TENT5B: variants seen among roughly 807,000 people sequenced by gnomAD.
TENT5B encodes terminal nucleotidyltransferase 5B, also known as family with sequence similarity 46 member B.
Under a neutral mutation model 21.7 loss-of-function variants are expected in TENT5B, and 12 were observed. The ratio of observed to expected loss-of-function variants is 0.55; its 90% CI spans 0.36 to 0.90. TENT5B has a LOEUF of 0.90. Among genes scored for constraint, TENT5B ranks in the 40% least tolerant of loss-of-function variants. The pLI is 0.01. For missense variants in TENT5B, 540 were observed against 601.5 expected, an observed-to-expected ratio of 0.90 and a Z score of 1.07; for synonymous variants, 262 against 266.6, an observed-to-expected ratio of 0.98 and a Z score of 0.17.
chr1:27,011,225 T>C (rs2082622391), intron 1 of TENT5B, among the ~76,000 whole-genome samples: 1 of 152,174 alleles, frequency 6.6e-6, no homozygotes, highest in African/African-American at 2.4e-5. Flanking sequence ...CTCCAGTTCC[T>C]AGTTCCTTGG....
Position 27,006,182 on chromosome 1 carries a change from T to G in TENT5B, c.1040A>C (p.His347Pro). The change falls in exon 2 of 2, where the codon CAC becomes CCC. Residue 347 changes from histidine (H) to proline (P), a missense_variant. Coordinates refer to ENST00000289166, the MANE Select transcript of TENT5B (RefSeq NM_052943.4). The surrounding 1 kb of genome is among the most constrained non-coding windows in gnomAD (Gnocchi z 9.4). ...CACGGTGCTCTCGTTGACCACCCGG[T>G]GCAGTGTCACCAGGCAGGCGTAACG... is the stretch of plus-strand genomic sequence containing the variant. ...ARRYACLVTL[H>P]RVVNESTVCL... The G allele has an allele frequency of 6.2e-7, 1 of 1,612,018 alleles. No individual in the cohort carries two copies. Among genetic ancestry groups the G allele is most frequent in the East Asian group, 2.2e-5 (1 of 44,836 alleles).
chr1:27,011,710 G>C (rs757292207), intron 1 of TENT5B, among the ~76,000 whole-genome samples: 1 of 152,228 alleles, frequency 6.6e-6, no homozygotes, highest in Admixed American at 6.5e-5. Flanking sequence ...TTCCTCAGGA[G>C]AGAGAGGACG....
At chr1:27,008,644 C>T (rs780551255) in intron 1 of TENT5B, among the ~76,000 whole-genome samples, 8 of 152,036 alleles carry the variant, frequency 5.3e-5, no homozygotes, top group Admixed American at 3.9e-4. Context: ...GTCTGTCATC[C>T]AGGCTGGAGT....
rs1009821541 is a variant in TENT5B, at chr1:27,006,381, TGAG to T, written c.838_840del (p.Leu280del). ...CCCCGCACCAGGAGGTGGCAGTACT[TGAG>T]GAGGCCACCACCTCGGATCTCCTCG... On this transcript the variant is annotated inframe_deletion, in exon 2 of 2. Transcript: ENST00000289166. The surrounding 1 kb of genome is among the most constrained non-coding windows in gnomAD (Gnocchi z 9.4). 1.9e-6 allele frequency: 3 copies of T among 1,612,374 alleles called. No homozygotes were observed. Among genetic ancestry groups the T allele is most frequent in the East Asian group, 4.5e-5 (2 of 44,862 alleles).
rs143656746 is a variant in TENT5B at position 27,006,314 on chromosome 1, C to T, written c.908G>A (p.Arg303His). 4.3e-6 allele frequency: 7 copies of T among 1,610,848 alleles called. No homozygotes were observed. Among genetic ancestry groups the T allele is most frequent in the Non-Finnish European group, 5.1e-6 (6 of 1,178,574 alleles). Reference sequence around the variant, plus strand: ...GATGAAGAAGCGGGAGCACATGTAGCGCTGCAGGGCGCGCACATCGGTGCT... The same window carrying T: ...GATGAAGAAGCGGGAGCACATGTAGTGCTGCAGGGCGCGCACATCGGTGCT... The part of the protein sequence containing the change: ...RPSTDVRALQ[R>H]YMCSRFFIDF... The change falls in exon 2 of 2, where the codon CGC (arginine) becomes CAC (histidine). Residue 303 changes from arginine (R) to histidine (H), a missense_variant. Arg to His is a conservative substitution (Grantham distance 29). Transcript: ENST00000289166. The surrounding 1 kb of genome is among the most constrained non-coding windows in gnomAD (Gnocchi z 9.4).
chr1:27,010,312 C>T (rs2082617812), intron 1 of TENT5B, among the ~76,000 whole-genome samples: 1 of 152,136 alleles, frequency 6.6e-6, no homozygotes, highest in South Asian at 2.1e-4. Flanking sequence ...CCACTACAGG[C>T]AAAGCCTTGC....
Position 27,012,817 on chromosome 1 carries a change from C to A in TENT5B, c.-147G>T, listed in dbSNP as rs775762350. ...ACGGCGAGACAAAGCCAGGGAACAC[C>A]TCAGACGGCGACGACTAACCGACCC... On this transcript the variant is annotated 5_prime_UTR_variant, in exon 1 of 2. It adds an upstream start codon to the 5' untranslated region. Transcript: ENST00000289166. 1.6e-5 allele frequency: 18 copies of A among 1,092,616 alleles called. No individual in the cohort carries two copies. The Admixed American group carries it at 2.0e-4, about 12-fold the overall frequency. The allele number at this position is 1,092,616 out of a possible 1,614,324, so 67.7% of individuals were successfully genotyped here.
intron 1 of TENT5B, 61 bp downstream of exon 1, chr1:27,012,346 C>T (rs1410658572): frequency 1.3e-6 from 2 of 1,565,160 alleles, no homozygotes; most frequent in East Asian, 2.4e-5. Flanking sequence ...CTACAAATGC[C>T]TTCCAGCCAC....
chr1:27,010,136 T>C (rs539903854), intron 1 of TENT5B, among the ~76,000 whole-genome samples: 7 of 152,276 alleles, frequency 4.6e-5, no homozygotes, highest in African/African-American at 1.4e-4. Flanking sequence ...AGAAATCAGA[T>C]TGTCTAGTTC....
At position 27,012,704 on chromosome 1, in the gene TENT5B, G is replaced by A. The variant is rs775918408; in HGVS notation, c.-34C>T. 2 of 1,445,536 alleles carry A rather than the reference G, an allele frequency of 1.4e-6. No homozygotes were observed. The highest frequency in any genetic ancestry group is 1.8e-6 in the Non-Finnish European group (2 of 1,113,788). The allele number at this position is 1,445,536 out of a possible 1,614,324, so 89.5% of individuals were successfully genotyped here. ...CCCCCGGGCCCCGACGGCAGAAACCGTGGGGGTGGTTAAGGGGAGGAGGAC... is the reference window on the plus strand; with the variant it reads ...CCCCCGGGCCCCGACGGCAGAAACCATGGGGGTGGTTAAGGGGAGGAGGAC... On this transcript the variant is annotated 5_prime_UTR_variant, in exon 1 of 2. It adds an upstream start codon to the 5' untranslated region. Coordinates refer to ENST00000289166, the MANE Select transcript of TENT5B (RefSeq NM_052943.4).
rs1221313697 is a variant in TENT5B, at chr1:27,012,488, G to A, written c.183C>T (p.Asp61=). 1.2e-6 allele frequency: 2 copies of A among 1,609,664 alleles called. No individual in the cohort carries two copies. The highest frequency in any genetic ancestry group is 1.7e-5 in the Admixed American group (1 of 59,838). ...TGGGAATCGGCTCGCTCAGAAGAGC[G>A]TCCAGTCGCTTCACCTGTGGCCAGC... ...GLSWPQVKRL[D]ALLSEPIPIH... The change falls in exon 1 of 2, where the codon GAC becomes GAT. Residue 61 remains aspartate, a synonymous_variant. Coordinates refer to ENST00000289166, the MANE Select transcript of TENT5B (RefSeq NM_052943.4).
chr1:27,005,408 C>T lies in TENT5B; in HGVS notation c.*536G>A, dbSNP rs1452993444. The T allele has an allele frequency of 2.0e-5, 3 of 153,748 alleles. No homozygotes were observed. The highest frequency in any genetic ancestry group is 2.1e-4 in the South Asian group (1 of 4,876). 9.5% of individuals were successfully genotyped at this position (153,748 alleles called of 1,614,324 possible). The stretch of plus-strand genomic sequence containing the variant: ...CCTCCCCAAACCCAGGTATCTGCCT[C>T]GGGCCTCAGTTTCCCTCCTCCCAGT... On this transcript the variant is annotated 3_prime_UTR_variant, in exon 2 of 2. Coordinates refer to ENST00000289166, the MANE Select transcript of TENT5B (RefSeq NM_052943.4).
Position 27,005,785 on chromosome 1 carries a change from C to T in TENT5B, c.*159G>A, listed in dbSNP as rs1340478631. On this transcript the variant is annotated 3_prime_UTR_variant, in exon 2 of 2. Coordinates refer to ENST00000289166, the MANE Select transcript of TENT5B (RefSeq NM_052943.4). ...GCTGGCATTAAGCCCACAGGGGCCT[C>T]GTGCTCGGGAAAGTCTGGTCTGTTC... is the stretch of plus-strand genomic sequence containing the variant. 1.3e-5 allele frequency: 13 copies of T among 988,024 alleles called. No individual in the cohort carries two copies. Among genetic ancestry groups the T allele is most frequent in the East Asian group, 8.6e-5 (3 of 35,054 alleles). The allele number at this position is 988,024 out of a possible 1,614,324, so 61.2% of individuals were successfully genotyped here.
rs1361790284 is a variant in TENT5B, at chr1:27,005,384, C to T, written c.*560G>A. 6.5e-6 allele frequency: 1 copy of T among 153,496 alleles called. No homozygotes were observed. The highest frequency in any genetic ancestry group is 2.4e-5 in the African/African-American group (1 of 41,446). The allele number at this position is 153,496 out of a possible 1,614,324, so 9.5% of individuals were successfully genotyped here. A position where few individuals can be genotyped will look rare whatever the true frequency, so the allele number is the denominator to read the frequency against. ...TCAGAGAACCGGGCTAAACCCAGCC[C>T]TCCCCAAACCCAGGTATCTGCCTCG... On this transcript the variant is annotated 3_prime_UTR_variant, in exon 2 of 2. Transcript: ENST00000289166.
intron 1 of TENT5B, among the ~76,000 whole-genome samples, chr1:27,008,614 CTTTTT>C (rs994667195): frequency 3.4e-5 from 5 of 146,902 alleles, no homozygotes; most frequent in African/African-American, 1.2e-4. Flanking sequence ...GGACAGGTGT[CTTTTT>C]TTTTTTGAGT....
At chr1:27,010,512 C>T (rs987204120) in intron 1 of TENT5B, among the ~76,000 whole-genome samples, 1 of 152,168 alleles carries the variant, frequency 6.6e-6, no homozygotes, top group Non-Finnish European at 1.5e-5. Flanking sequence ...GTGGAGGCAG[C>T]TGTACAGACC....
At chr1:27,008,012 A>C (rs2082608723) in intron 1 of TENT5B, among the ~76,000 whole-genome samples, 1 of 152,114 alleles carries the variant, frequency 6.6e-6, no homozygotes, top group Non-Finnish European at 1.5e-5. Flanking sequence ...TGAGGCAAAA[A>C]TTATATACTT....
In TENT5B at chr1:27,012,756, G is replaced by A; in HGVS notation, c.-86C>T. ...GGGAGAGCGGCTGGGCAGGGGCCAA[G>A]GCGGGGGGCACGAAGGCAGGGACGG... On this transcript the variant is annotated 5_prime_UTR_variant, in exon 1 of 2. Transcript: ENST00000289166. 7.3e-7 allele frequency: 1 copy of A among 1,367,376 alleles called. No individual in the cohort carries two copies. The highest frequency in any genetic ancestry group is 9.4e-7 in the Non-Finnish European group (1 of 1,064,030). 84.7% of individuals were successfully genotyped at this position (1,367,376 alleles called of 1,614,324 possible).
Position 27,012,402 on chromosome 1 carries a change from C to T in TENT5B, c.264+5G>A. Reference sequence around the variant, plus strand: ...CCCCACATCCCCCGCCTGGCGTCCTCTCACCTGCACGATCTGCCGGGGCTG... The same window carrying T: ...CCCCACATCCCCCGCCTGGCGTCCTTTCACCTGCACGATCTGCCGGGGCTG... On this transcript the variant is annotated splice_donor_5th_base_variant and intron_variant, in intron 1 of 1. Coordinates refer to ENST00000289166, the MANE Select transcript of TENT5B (RefSeq NM_052943.4). The T allele has an allele frequency of 3.1e-6, 5 of 1,611,508 alleles. No homozygotes were observed. Among genetic ancestry groups the T allele is most frequent in the Non-Finnish European group, 4.2e-6 (5 of 1,179,348 alleles).
Sources: allele counts gnomAD v4.1 joint callset (sites outside exome capture counted in the v4.1 genomes callset), GRCh38; gene constraint gnomAD v4.1.1; non-coding constraint Gnocchi (gnomAD v3.1); transcripts MANE v1.5; gene names NCBI Gene and HGNC (gene_info 2026-07-23, HGNC 2026-07-21).